CTNNA3: variants seen among roughly 807,000 people sequenced by gnomAD.
CTNNA3 encodes the protein catenin alpha-3.
A neutral mutation model predicts 95.7 loss-of-function variants in CTNNA3; 76 were observed. The observed-to-expected ratio is 0.79, with a 90% CI of 0.66 to 0.96. CTNNA3 has a LOEUF of 0.96. CTNNA3 is among the 40% of genes least tolerant of loss of function. The pLI is 0.00. For missense variants in CTNNA3, 1,191 were observed against 1,089.8 expected, an observed-to-expected ratio of 1.09 and a Z score of -1.31; for synonymous variants, 431 against 374.4, an observed-to-expected ratio of 1.15 and a Z score of -1.74.
chr10:66,690,331 T>A (rs889654001), intron 9 of CTNNA3, among the ~76,000 whole-genome samples: 13 of 152,088 alleles, frequency 8.5e-5, no homozygotes, highest in Non-Finnish European at 1.9e-4. Context: ...TTTCTTTTTT[T>A]ATTATTATTA....
intron 3 of CTNNA3, among the ~76,000 whole-genome samples, chr10:67,590,855 G>A (rs1364495673): frequency 6.6e-6 from 1 of 152,012 alleles, no homozygotes; most frequent in Non-Finnish European, 1.5e-5. Flanking sequence ...ACAGAACAAA[G>A]TTCTTAATTT....
intron 16 of CTNNA3, among the ~76,000 whole-genome samples, chr10:65,978,450 G>A (rs149284165): frequency 1.4e-5 from 2 of 147,792 alleles, no homozygotes; most frequent in Admixed American, 6.8e-5. Flanking sequence ...TTCCTTGCAC[G>A]TGTTGTTGTT....
At chr10:66,178,326 C>G (rs1396393612) in intron 13 of CTNNA3, among the ~76,000 whole-genome samples, 1 of 146,570 alleles carries the variant, frequency 6.8e-6, no homozygotes, top group Non-Finnish European at 1.5e-5. Context: ...ATTACAGACA[C>G]ATATATATGT....
chr10:67,300,083 A>G (rs1840205332), intron 5 of CTNNA3, among the ~76,000 whole-genome samples: 2 of 152,182 alleles, frequency 1.3e-5, no homozygotes, highest in African/African-American at 2.4e-5. Flanking sequence ...CTTCAGACCT[A>G]TTGAATTAGA....
chr10:66,003,690 C>A lies in CTNNA3; in HGVS notation c.2160-14893G>T, dbSNP rs115165894. Among the ~76,000 whole-genome samples the A allele has an allele frequency of 7.3e-3, 1,112 of 152,274 alleles. 19 individuals are homozygous for A. The highest frequency in any genetic ancestry group is 0.025 in the African/African-American group (1,058 of 41,554). ...TGTCTTTAGTAAAACAGACTATTTT[C>A]TCCAGGACTTTATAAGTCTGAAGAT... On this transcript the variant is annotated intron_variant, in intron 15 of 17. Transcript: ENST00000433211.
At chr10:66,260,376 C>T (rs2090953741) in intron 13 of CTNNA3, among the ~76,000 whole-genome samples, 1 of 152,076 alleles carries the variant, frequency 6.6e-6, no homozygotes, top group Non-Finnish European at 1.5e-5. Flanking sequence ...CCTCCTATAA[C>T]CTGTTTTGCC....
At chr10:66,145,171 A>C (rs2083818258) in intron 13 of CTNNA3, among the ~76,000 whole-genome samples, 1 of 152,200 alleles carries the variant, frequency 6.6e-6, no homozygotes, top group Non-Finnish European at 1.5e-5. Context: ...AATCAAAAGA[A>C]TAGCCTTTTA....
intron 12 of CTNNA3, among the ~76,000 whole-genome samples, chr10:66,356,030 C>G (rs1201277175): frequency 6.7e-6 from 1 of 149,444 alleles, no homozygotes; most frequent in Admixed American, 6.6e-5. Flanking sequence ...TGTGTCTACT[C>G]TTTTGCAAAT....
intron 5 of CTNNA3, among the ~76,000 whole-genome samples, chr10:67,487,345 G>C (rs1848484290): frequency 6.6e-6 from 1 of 152,120 alleles, no homozygotes; most frequent in African/African-American, 2.4e-5. Context: ...ATCACCTCCT[G>C]TGTGTTGATT....
At chr10:66,869,034 G>A (rs1844296304) in intron 7 of CTNNA3, among the ~76,000 whole-genome samples, 1 of 152,048 alleles carries the variant, frequency 6.6e-6, no homozygotes, top group African/African-American at 2.4e-5. Flanking sequence ...GAATATTGCT[G>A]GGTAGGAAGG....
chr10:66,015,103 A>T (rs2079068651), intron 15 of CTNNA3, among the ~76,000 whole-genome samples: 1 of 148,154 alleles, frequency 6.7e-6, no homozygotes, highest in Non-Finnish European at 1.5e-5. Context: ...CTCTGTCTCA[A>T]AAAATAATAA....
chr10:67,422,874 T>G (rs1042917269), intron 5 of CTNNA3, among the ~76,000 whole-genome samples: 1 of 152,102 alleles, frequency 6.6e-6, no homozygotes, highest in South Asian at 2.1e-4. Flanking sequence ...GAGAACAAAC[T>G]AATACACTCC....
In CTNNA3 at chr10:67,265,174, A is replaced by G. The variant is rs574160686; in HGVS notation, c.580-45304T>C. On this transcript the variant is annotated intron_variant, in intron 5 of 17. Transcript: ENST00000433211. The stretch of plus-strand genomic sequence containing the variant: ...CTGGAACTGTGACAACTTTCTCCAC[A>G]TTTCCATCTTTTAAAATAATCAAAC... Among the ~76,000 whole-genome samples the G allele has an allele frequency of 5.9e-5, 9 of 152,256 alleles. No homozygotes were observed. The South Asian group carries it at 1.9e-3, about 32-fold the overall frequency.
At chr10:66,735,423 A>G (rs932662929) in intron 9 of CTNNA3, among the ~76,000 whole-genome samples, 3 of 151,982 alleles carry the variant, frequency 2.0e-5, no homozygotes, top group Admixed American at 6.6e-5. Context: ...TTTCTGGCTC[A>G]ATTTAGGTAG....
At chr10:66,035,376 T>TCCTCCTTTGGGATGG in intron 15 of CTNNA3, among the ~76,000 whole-genome samples, 1 of 152,120 alleles carries the variant, frequency 6.6e-6, no homozygotes, top group East Asian at 1.9e-4. Flanking sequence ...CCTAAGAATT[T>TCCTCCTTTGGGATGG]AGAATAACCA....
At chr10:66,926,374 C>T in intron 7 of CTNNA3, 1 of 632,856 alleles carries the variant, frequency 1.6e-6, no homozygotes. Context: ...GCTGCGAATG[C>T]GGTGTTGGGA....
intron 5 of CTNNA3, among the ~76,000 whole-genome samples, chr10:67,397,097 C>A (rs1352253737): frequency 6.6e-6 from 1 of 151,928 alleles, no homozygotes; most frequent in Non-Finnish European, 1.5e-5. Context: ...TGTAAAGACA[C>A]CCAAAAATAT....
intron 12 of CTNNA3, among the ~76,000 whole-genome samples, chr10:66,294,913 A>AGAGAGAGAGAGAGAGAGAGGGG (rs58983331): frequency 6.7e-6 from 1 of 148,740 alleles, no homozygotes; most frequent in African/African-American, 2.5e-5. Context: ...AGAGAGAGAG[A>AGAGAGAGAGAGAGAGAGAGGGG]GGGATTTGGT....
chr10:67,664,768 C>A (rs1840288526), intron 1 of CTNNA3, among the ~76,000 whole-genome samples: 1 of 152,102 alleles, frequency 6.6e-6, no homozygotes, highest in Non-Finnish European at 1.5e-5. Context: ...TTCTCATTTA[C>A]CTTAGATAAA....
Sources: gnomAD v4.1 joint callset for allele counts (sites outside exome capture counted in the v4.1 genomes callset) on GRCh38, gnomAD v4.1.1 for gene constraint, MANE v1.5 for transcripts, NCBI Gene and HGNC (gene_info 2026-07-23, HGNC 2026-07-21) for gene names.